Variants in STIM2 observed in about 807,000 individuals in gnomAD.
STIM2 encodes the protein stromal interaction molecule 2.
Under a neutral mutation model 85.8 loss-of-function variants are expected in STIM2, and 31 were observed. The ratio of observed to expected loss-of-function variants is 0.36; its 90% CI spans 0.27 to 0.49. The LOEUF (loss-of-function observed/expected upper bound fraction) is 0.49. Ranked by LOEUF, STIM2 falls within the 20% of genes least tolerant of loss-of-function variation. STIM2 has a pLI of 0.98. For synonymous variants in STIM2, 356 were observed against 331.1 expected (o/e 1.08, Z -0.82); for missense variants, 841 against 927.6 (o/e 0.91, Z 1.21).
chr4:26,995,479 G>T lies in STIM2; in HGVS notation c.498G>T (p.Thr166=). The T allele has an allele frequency of 6.3e-7, 1 of 1,594,798 alleles. No individual in the cohort carries two copies. The highest frequency in any genetic ancestry group is 1.1e-5 in the South Asian group (1 of 88,268). Residue 166 remains threonine (T), a synonymous_variant, in exon 4 of 12, where the codon ACG becomes ACT. Transcript: ENST00000467087. ...TTAGAGACAACAATGTCAAAGGAAC[G>T]ACACTTCCCAGGTGAGTCTTTGTTA... is the stretch of plus-strand genomic sequence containing the variant.
intron 1 of STIM2, among the ~76,000 whole-genome samples, chr4:26,874,807 T>C (rs1046582034): frequency 3.9e-5 from 6 of 152,332 alleles, no homozygotes; most frequent in African/African-American, 1.4e-4. Context: ...AATGTTTGAA[T>C]GTCTGCTGTG....
At chr4:27,005,276 T>C (rs1192345680) in intron 7 of STIM2, among the ~76,000 whole-genome samples, 1 of 152,192 alleles carries the variant, frequency 6.6e-6, no homozygotes, top group Non-Finnish European at 1.5e-5. Flanking sequence ...GCTTTATGTT[T>C]TGTGTGATTT....
rs547125145 is a variant in STIM2 at position 26,999,192 on chromosome 4, A to AAT, written c.510-27_510-26dup. ...TTGTATACTAGAAATATTTTCATTT[A>AAT]ATATATATATATATGTGTGTGTGTT... On this transcript the variant is annotated intron_variant, in intron 4 of 11. Coordinates refer to ENST00000467087, the MANE Select transcript of STIM2 (RefSeq NM_020860.4). The AAT allele has an allele frequency of 5.0e-3, 4,150 of 824,544 alleles. 20 individuals carry two copies. The highest frequency in any genetic ancestry group is 0.024 in the African/African-American group (1,333 of 54,866). The allele number at this position is 824,544 out of a possible 1,614,324, so 51.1% of individuals were successfully genotyped here.
rs1235023696 is a variant in STIM2 at position 27,002,211 on chromosome 4, T to C, written c.626-6T>C. ...TTAATTTAATCATCTGTAATTCTTT[T>C]AATAGGCCCACCTCATAACTGGATG... On this transcript the variant is annotated splice_polypyrimidine_tract_variant and splice_region_variant and intron_variant, in intron 5 of 11. Coordinates refer to ENST00000467087, the MANE Select transcript of STIM2 (RefSeq NM_020860.4). 3 of 1,583,616 alleles carry C rather than the reference T, an allele frequency of 1.9e-6. No individual in the cohort carries two copies. Among genetic ancestry groups the C allele is most frequent in the Non-Finnish European group, 2.6e-6 (3 of 1,170,620 alleles).
At chr4:26,867,299 A>C (rs1219513032) in intron 1 of STIM2, among the ~76,000 whole-genome samples, 1 of 152,194 alleles carries the variant, frequency 6.6e-6, no homozygotes, top group Non-Finnish European at 1.5e-5. Flanking sequence ...GTGATAGAGA[A>C]TCTTCTTTAT....
At chr4:26,869,363 G>A (rs1398425221) in intron 1 of STIM2, among the ~76,000 whole-genome samples, 1 of 151,724 alleles carries the variant, frequency 6.6e-6, no homozygotes, top group Non-Finnish European at 1.5e-5. Context: ...TTACATATGG[G>A]TCCTAAAAAG....
chr4:27,011,427 G>A, intron 10 of STIM2, among the ~76,000 whole-genome samples: 1 of 152,098 alleles, frequency 6.6e-6, no homozygotes, highest in Admixed American at 6.5e-5. Flanking sequence ...CAAACAATGT[G>A]CAACAAGCAT....
chr4:26,915,566 A>G (rs1724544499), intron 1 of STIM2, among the ~76,000 whole-genome samples: 1 of 152,074 alleles, frequency 6.6e-6, no homozygotes, highest in Admixed American at 6.6e-5. Context: ...GGGTGAAATA[A>G]TTTTAATTCA....
At chr4:26,914,409 A>G (rs540212933) in intron 1 of STIM2, among the ~76,000 whole-genome samples, 45 of 152,328 alleles carry the variant, frequency 3.0e-4, no homozygotes, top group African/African-American at 1.0e-3. Flanking sequence ...TCTTTCAAGA[A>G]TCAGTGTAAA....
intron 2 of STIM2, among the ~76,000 whole-genome samples, chr4:26,946,954 A>AT (rs1725855403): frequency 6.6e-6 from 1 of 152,214 alleles, no homozygotes; most frequent in Non-Finnish European, 1.5e-5. Context: ...TTTTAGGATG[A>AT]TTTTGGCTGC....
At chr4:27,001,773 A>G (rs1325349485) in intron 5 of STIM2, among the ~76,000 whole-genome samples, 1 of 152,184 alleles carries the variant, frequency 6.6e-6, no homozygotes, top group Non-Finnish European at 1.5e-5. Flanking sequence ...GGGAAAATAC[A>G]TTTTGGTGAG....
At chr4:26,982,272 T>G (rs1405774631) in intron 3 of STIM2, among the ~76,000 whole-genome samples, 1 of 152,214 alleles carries the variant, frequency 6.6e-6, no homozygotes, top group East Asian at 1.9e-4. Flanking sequence ...TTATGAATGC[T>G]TTGAAGATTG....
At chr4:26,961,665 A>C (rs575836835) in intron 3 of STIM2, among the ~76,000 whole-genome samples, 1 of 152,304 alleles carries the variant, frequency 6.6e-6, no homozygotes, top group Admixed American at 6.5e-5. Context: ...GGAGGGAGTG[A>C]TTAGCTCACT....
At chr4:26,907,897 A>G (rs1365139445) in intron 1 of STIM2, among the ~76,000 whole-genome samples, 1 of 152,244 alleles carries the variant, frequency 6.6e-6, no homozygotes, top group African/African-American at 2.4e-5. Flanking sequence ...CACAGCGCAC[A>G]TATGTCTGAT....
chr4:26,936,166 A>G (rs1725385141), intron 2 of STIM2, among the ~76,000 whole-genome samples: 1 of 152,214 alleles, frequency 6.6e-6, no homozygotes, highest in Non-Finnish European at 1.5e-5. Flanking sequence ...TGATGATTTT[A>G]TATTAGAATA....
At chr4:26,915,476 C>T (rs1040685101) in intron 1 of STIM2, among the ~76,000 whole-genome samples, 3 of 152,114 alleles carry the variant, frequency 2.0e-5, no homozygotes, top group African/African-American at 4.8e-5. Context: ...CTCAGGTGAT[C>T]CGCCTGCCTC....
chr4:26,883,469 C>T (rs1028284264), intron 1 of STIM2, among the ~76,000 whole-genome samples: 2 of 151,686 alleles, frequency 1.3e-5, no homozygotes, highest in African/African-American at 2.4e-5. Context: ...ATTTTTTTCC[C>T]TTGGAAAACA....
intron 3 of STIM2, among the ~76,000 whole-genome samples, chr4:26,972,775 C>T (rs1727012652): frequency 6.6e-6 from 1 of 152,166 alleles, no homozygotes; most frequent in African/African-American, 2.4e-5. Context: ...AGGGAGGATT[C>T]CCTCTTTTCC....
intron 1 of STIM2, among the ~76,000 whole-genome samples, chr4:26,901,513 T>C (rs1723919297): frequency 6.6e-6 from 1 of 152,200 alleles, no homozygotes; most frequent in Admixed American, 6.5e-5. Flanking sequence ...CATATCCTCA[T>C]TGCAAAGGTA....
Sources: gnomAD v4.1 joint callset for allele counts (sites outside exome capture counted in the v4.1 genomes callset) on GRCh38, gnomAD v4.1.1 for gene constraint, MANE v1.5 for transcripts, NCBI Gene and HGNC (gene_info 2026-07-23, HGNC 2026-07-21) for gene names.